GALNT9: variants seen among roughly 807,000 people sequenced by gnomAD.
GALNT9 encodes polypeptide N-acetylgalactosaminyltransferase 9.
A neutral mutation model predicts 63.1 loss-of-function variants in GALNT9; 47 were observed. The ratio of observed to expected loss-of-function variants is 0.75; its 90% CI spans 0.59 to 0.95. The LOEUF (loss-of-function observed/expected upper bound fraction) is 0.95, where lower values mean the gene tolerates loss of function less well. Among genes scored for constraint, GALNT9 ranks in the 40% least tolerant of loss-of-function variants. GALNT9 has a pLI of 0.00. For missense variants in GALNT9, 829 were observed against 874.8 expected, an observed-to-expected ratio of 0.95 and a Z score of 0.66; for synonymous variants, 396 against 365.7, an observed-to-expected ratio of 1.08 and a Z score of -0.94.
chr12:132,259,398 G>C (rs4077901), intron 4 of GALNT9, among the ~76,000 whole-genome samples: 1 of 151,836 alleles, frequency 6.6e-6, no homozygotes, highest in Non-Finnish European at 1.5e-5. Flanking sequence ...GTGACATTGT[G>C]GGGGGCAGAC....
chr12:132,257,444 A>ACGCCCGCG (rs1214830333), intron 5 of GALNT9, among the ~76,000 whole-genome samples: 1 of 62,902 alleles, frequency 1.6e-5, no homozygotes, highest in African/African-American at 4.3e-5. Context: ...CCTCGTCCCC[A>ACGCCCGCG]TGCCCTCATC....
chr12:132,253,195 C>A (rs1048243473), intron 5 of GALNT9, among the ~76,000 whole-genome samples: 2 of 152,182 alleles, frequency 1.3e-5, no homozygotes. Context: ...GCGGGAGGAG[C>A]ATGAAAGTGG....
intron 5 of GALNT9, among the ~76,000 whole-genome samples, chr12:132,256,868 T>G (rs1392726718): frequency 1.3e-5 from 2 of 152,238 alleles, no homozygotes; most frequent in African/African-American, 4.8e-5. Context: ...GAGCCCCATC[T>G]CACTGTGGGT....
intron 6 of GALNT9, among the ~76,000 whole-genome samples, chr12:132,209,547 C>T (rs1443787543): frequency 6.6e-6 from 1 of 152,046 alleles, no homozygotes; most frequent in East Asian, 1.9e-4. Flanking sequence ...AAGACTTCAT[C>T]TCAAACAAAC....
At chr12:132,250,318 G>C (rs1878863779) in intron 5 of GALNT9, among the ~76,000 whole-genome samples, 1 of 152,322 alleles carries the variant, frequency 6.6e-6, no homozygotes, top group East Asian at 1.9e-4. Context: ...TCGTGGGTGT[G>C]GGGTCCCCAC....
At chr12:132,210,826 T>C (rs1256377355) in intron 6 of GALNT9, among the ~76,000 whole-genome samples, 1 of 129,548 alleles carries the variant, frequency 7.7e-6, no homozygotes, top group Non-Finnish European at 1.6e-5. Flanking sequence ...GGTCGCCGTC[T>C]GGAGGTCGCC....
At chr12:132,243,566 C>T (rs1487859654) in intron 6 of GALNT9, among the ~76,000 whole-genome samples, 1 of 152,204 alleles carries the variant, frequency 6.6e-6, no homozygotes, top group African/African-American at 2.4e-5. Context: ...CACGTCTCTT[C>T]GTCTGGCTCC....
rs554651606 is a variant in GALNT9, at chr12:132,245,958, C to T, written c.1077+1952G>A. Among the ~76,000 whole-genome samples the T allele has an allele frequency of 1.3e-5, 2 of 152,246 alleles. No individual in the cohort carries two copies. The highest frequency in any genetic ancestry group is 2.1e-4 in the South Asian group (1 of 4,820). ...CGCTCTTCGGCCTCGGTGGTGGCTG[C>T]GCACTGCCGGTCCCCGGCACCCTCC... On this transcript the variant is annotated intron_variant, in intron 6 of 10. Coordinates refer to ENST00000328957, the MANE Select transcript of GALNT9 (RefSeq NM_001122636.2). This position sits in a 1 kb window ranked among gnomAD's most constrained non-coding sequence, Gnocchi z 6.3.
rs1593464932 is a variant in GALNT9 at position 132,203,423 on chromosome 12, G to T, written c.1263+82C>A. On this transcript the variant is annotated intron_variant, in intron 7 of 10. Coordinates refer to ENST00000328957, the MANE Select transcript of GALNT9 (RefSeq NM_001122636.2). Reference sequence around the variant, plus strand: ...TCACACCTGCAGGGGGCCCTAGGGGGCCTCCCTCCGGCCCAGCCCTGCCGT... The same window carrying T: ...TCACACCTGCAGGGGGCCCTAGGGGTCCTCCCTCCGGCCCAGCCCTGCCGT... 40 of 1,361,614 alleles carry T rather than the reference G, an allele frequency of 2.9e-5. 1 individual carries two copies. In the South Asian group the frequency reaches 4.8e-4, roughly 16 times the overall value. The allele number at this position is 1,361,614 out of a possible 1,614,324, so 84.3% of individuals were successfully genotyped here. A position where few individuals can be genotyped will look rare whatever the true frequency, so the allele number is the denominator to read the frequency against.
intron 2 of GALNT9, among the ~76,000 whole-genome samples, chr12:132,271,210 G>A (rs1879851767): frequency 6.6e-6 from 1 of 152,006 alleles, no homozygotes; most frequent in Admixed American, 6.5e-5. Context: ...GCCTGTGTGT[G>A]TCTCTGAGCC....
intron 4 of GALNT9, among the ~76,000 whole-genome samples, chr12:132,258,775 G>A (rs1161390106): frequency 3.3e-5 from 5 of 152,362 alleles, no homozygotes; most frequent in Admixed American, 1.3e-4. Flanking sequence ...GGGGTCCTGG[G>A]AAGCAGGTGC....
chr12:132,199,755 G>A (rs528527918), intron 8 of GALNT9, among the ~76,000 whole-genome samples: 5 of 152,326 alleles, frequency 3.3e-5, no homozygotes, highest in African/African-American at 1.2e-4. Context: ...TGTTGTCATC[G>A]GGCAGCCAAC....
At chr12:132,306,159 G>C (rs1468241072) in intron 1 of GALNT9, among the ~76,000 whole-genome samples, 1 of 152,256 alleles carries the variant, frequency 6.6e-6, no homozygotes, top group East Asian at 1.9e-4. Flanking sequence ...GCCTGCAGGG[G>C]ACCCTTACAC....
chr12:132,243,277 A>AAC (rs1555237577), intron 6 of GALNT9, among the ~76,000 whole-genome samples: 1 of 39,496 alleles, frequency 2.5e-5, no homozygotes, highest in Non-Finnish European at 4.5e-5. Context: ...TTACACACAC[A>AAC]ACACACACTT....
chr12:132,214,085 C>T (rs1205222882), intron 6 of GALNT9, among the ~76,000 whole-genome samples: 1 of 152,208 alleles, frequency 6.6e-6, no homozygotes. Flanking sequence ...CGGGACACCA[C>T]CCTCACAAGG....
At chr12:132,325,329 T>G (rs79884150) in intron 1 of GALNT9, among the ~76,000 whole-genome samples, 4,787 of 152,336 alleles carry the variant, frequency 0.031, 235 homozygotes, top group African/African-American at 0.11. Flanking sequence ...ATGTTCACAG[T>G]ACCGCCAGAG....
chr12:132,248,579 T>A (rs145203162), intron 5 of GALNT9, among the ~76,000 whole-genome samples: 57 of 152,330 alleles, frequency 3.7e-4, no homozygotes, highest in African/African-American at 1.3e-3. Flanking sequence ...CCATGCTTCA[T>A]CCTAACTGTG....
At chr12:132,230,898 G>C in intron 6 of GALNT9, among the ~76,000 whole-genome samples, 1 of 152,372 alleles carries the variant, frequency 6.6e-6, no homozygotes, top group Middle Eastern at 3.4e-3. Context: ...CATTCGGGAC[G>C]TCTTGGTGAG....
chr12:132,276,053 C>T (rs989795828), intron 2 of GALNT9, among the ~76,000 whole-genome samples: 1 of 152,260 alleles, frequency 6.6e-6, no homozygotes, highest in Middle Eastern at 3.2e-3. Flanking sequence ...CAGCAGGAAG[C>T]CACAGGGCAG....
Sources: allele counts gnomAD v4.1 joint callset (sites outside exome capture counted in the v4.1 genomes callset), GRCh38; gene constraint gnomAD v4.1.1; non-coding constraint Gnocchi (gnomAD v3.1); transcripts MANE v1.5; gene names NCBI Gene and HGNC (gene_info 2026-07-23, HGNC 2026-07-21).